Variants in LINGO2 observed in about 807,000 individuals in gnomAD.
LINGO2 encodes leucine rich repeat and Ig domain containing 2, also known as leucine-rich repeat and immunoglobulin-like domain-containing nogo receptor-interacting protein 2.
A neutral mutation model predicts 30.6 loss-of-function variants in LINGO2; 14 were observed. The observed-to-expected ratio is 0.46, with a 90% CI of 0.30 to 0.72. The LOEUF (loss-of-function observed/expected upper bound fraction) is 0.72, where lower values mean the gene tolerates loss of function less well. LINGO2 is among the 30% of genes least tolerant of loss of function. The pLI, the probability that LINGO2 is intolerant of heterozygous loss-of-function variation, is 0.07. For synonymous variants in LINGO2, 317 were observed against 288.5 expected (o/e 1.10, Z -1.00); for missense variants, 729 against 751.7 (o/e 0.97, Z 0.35).
At chr9:28,416,109 A>C (rs1822956184) in intron 2 of LINGO2, among the ~76,000 whole-genome samples, 1 of 152,172 alleles carries the variant, frequency 6.6e-6, no homozygotes, top group African/African-American at 2.4e-5. Flanking sequence ...ATCTTAGGCA[A>C]AATTGCTCAT....
At chr9:29,179,478 C>A in the LINGO2 span, among the ~76,000 whole-genome samples, 1 of 152,152 alleles carries the variant, frequency 6.6e-6, no homozygotes, top group East Asian at 1.9e-4. Flanking sequence ...AATCTCGGCT[C>A]ACTGCAACCT....
the LINGO2 span, among the ~76,000 whole-genome samples, chr9:28,872,289 G>A: frequency 1.3e-5 from 2 of 151,820 alleles, no homozygotes; most frequent in Non-Finnish European, 2.9e-5. Context: ...TATAGAAAAT[G>A]GACATTTACA....
intron 4 of LINGO2, among the ~76,000 whole-genome samples, chr9:28,091,187 C>T (rs1305225847): frequency 6.6e-6 from 1 of 152,098 alleles, no homozygotes; most frequent in African/African-American, 2.4e-5. Flanking sequence ...CTTCCAATGA[C>T]TTTCTTCACA....
rs77469273 is a variant in LINGO2 at position 28,067,465 on chromosome 9, T to C, written c.-86-55060A>G. Among the ~76,000 whole-genome samples, 178 of 152,304 alleles carry C rather than the reference T, an allele frequency of 1.2e-3. 4 individuals carry two copies. In the East Asian group the frequency reaches 0.032, roughly 28 times the overall value. The stretch of plus-strand genomic sequence containing the variant: ...ACAAAAAGTTCAGATTTTTGTGCTT[T>C]AATGGAAGAGTTCCATATCTGGAGT... On this transcript the variant is annotated intron_variant, in intron 4 of 5. Coordinates refer to ENST00000379992, the Ensembl canonical transcript of LINGO2.
downstream of LINGO2, chr9:27,948,035 A>T (rs1587503251): frequency 6.6e-6 from 1 of 152,206 alleles, no homozygotes; most frequent in East Asian, 1.9e-4. Context: ...TTTACAGTAA[A>T]CTGGTCCAGT....
intron 3 of LINGO2, among the ~76,000 whole-genome samples, chr9:28,339,729 A>G (rs1306775401): frequency 1.3e-5 from 2 of 152,134 alleles, no homozygotes; most frequent in Non-Finnish European, 2.9e-5. Flanking sequence ...ATACTTGAAA[A>G]CCAGTAGTGA....
the LINGO2 span, among the ~76,000 whole-genome samples, chr9:29,177,872 C>T: frequency 6.6e-6 from 1 of 150,732 alleles, no homozygotes; most frequent in African/African-American, 2.4e-5. Flanking sequence ...AAATTGACCC[C>T]TTCTCTCTTT....
At chr9:27,985,779 T>A (rs1182287638) in intron 5 of LINGO2, among the ~76,000 whole-genome samples, 1 of 149,408 alleles carries the variant, frequency 6.7e-6, no homozygotes, top group Admixed American at 6.7e-5. Context: ...CCATCCTGAA[T>A]ATCCCAGCAA....
chr9:28,392,464 A>G (rs1235308221), intron 2 of LINGO2, among the ~76,000 whole-genome samples: 1 of 152,202 alleles, frequency 6.6e-6, no homozygotes, highest in Non-Finnish European at 1.5e-5. Context: ...AGTAGAAATC[A>G]TAGTTCCACC....
the LINGO2 span, among the ~76,000 whole-genome samples, chr9:28,848,389 G>GTATATA: frequency 7.7e-4 from 40 of 52,276 alleles, no homozygotes; most frequent in Non-Finnish European, 1.5e-3. Flanking sequence ...GTGTGTGTGT[G>GTATATA]TGTGTGTGTA....
At chr9:29,208,943 T>C in the LINGO2 span, among the ~76,000 whole-genome samples, 4 of 152,160 alleles carry the variant, frequency 2.6e-5, no homozygotes, top group Non-Finnish European at 4.4e-5. Flanking sequence ...CATTTAAGAA[T>C]AGATACAGCA....
At chr9:28,874,712 G>A in the LINGO2 span, among the ~76,000 whole-genome samples, 1 of 151,964 alleles carries the variant, frequency 6.6e-6, no homozygotes, top group African/African-American at 2.4e-5. Context: ...AAGACTTTGG[G>A]TTTTAGATAG....
the LINGO2 span, chr9:27,939,318 C>G: frequency 6.6e-6 from 1 of 152,162 alleles, no homozygotes; most frequent in African/African-American, 2.4e-5. Flanking sequence ...TTCCGTGAAC[C>G]CATTCTTTTT....
At chr9:28,431,107 C>A (rs1416844642) in intron 2 of LINGO2, among the ~76,000 whole-genome samples, 1 of 143,614 alleles carries the variant, frequency 7.0e-6, no homozygotes, top group African/African-American at 2.6e-5. Flanking sequence ...TCTTAATAAC[C>A]TAATCTCAAA....
intron 3 of LINGO2, among the ~76,000 whole-genome samples, chr9:28,366,030 ACAATGTTAAATCTGGGCCAG>A (rs1168050263): frequency 6.6e-5 from 10 of 152,108 alleles, no homozygotes; most frequent in African/African-American, 2.4e-4. Flanking sequence ...GAACTTTTTC[ACAATGTTAAATCTGGGCCAG>A]AATTTGGCTC....
At chr9:29,165,712 A>T in the LINGO2 span, among the ~76,000 whole-genome samples, 1 of 152,132 alleles carries the variant, frequency 6.6e-6, no homozygotes, top group Admixed American at 6.6e-5. Flanking sequence ...ATTTACAAAG[A>T]ACTAAATTAA....
At chr9:29,142,401 C>T in the LINGO2 span, among the ~76,000 whole-genome samples, 4 of 151,614 alleles carry the variant, frequency 2.6e-5, no homozygotes, top group Non-Finnish European at 4.4e-5. Flanking sequence ...AAAACCAGAA[C>T]TAAGAAAGAA....
chr9:28,392,150 C>G (rs1821865835), intron 2 of LINGO2, among the ~76,000 whole-genome samples: 1 of 152,138 alleles, frequency 6.6e-6, no homozygotes, highest in Non-Finnish European at 1.5e-5. Flanking sequence ...TTGCAGTGAG[C>G]CGAGATTGTG....
chr9:28,401,316 G>T lies in LINGO2; in HGVS notation c.-278-28448C>A, dbSNP rs184799540. Among the ~76,000 whole-genome samples, 1,418 of 151,974 alleles carry T rather than the reference G, an allele frequency of 9.3e-3. 9 individuals are homozygous for T. Among genetic ancestry groups the T allele is most frequent in the Non-Finnish European group, 0.015 (1,005 of 67,970 alleles). On this transcript the variant is annotated intron_variant, in intron 2 of 5. Coordinates refer to ENST00000379992, the Ensembl canonical transcript of LINGO2. ...CCCAACCCCCAACAGGCCCTGGTGT[G>T]TCTTGTTCCCCTCCCTGTGTCCATG...
Sources: allele counts gnomAD v4.1 joint callset (sites outside exome capture counted in the v4.1 genomes callset), GRCh38; gene constraint gnomAD v4.1.1; transcripts MANE v1.5; gene names NCBI Gene and HGNC (gene_info 2026-07-23, HGNC 2026-07-21).